The following NCOA6 variants were observed in gnomAD, a reference collection of about 807,000 sequenced individuals.
NCOA6 encodes the protein NRC RAP250.
A neutral mutation model predicts 171.4 loss-of-function variants in NCOA6; 49 were observed. That is an observed-to-expected ratio of 0.29 (90% confidence interval 0.23 to 0.36). The LOEUF is 0.36. Among genes scored for constraint, NCOA6 ranks in the 10% least tolerant of loss-of-function variants. The pLI is 1.00. For synonymous variants in NCOA6, 910 were observed against 927.5 expected (o/e 0.98, Z 0.34); for missense variants, 2,248 against 2,554.5 (o/e 0.88, Z 2.59).
chr20:34,790,891 T>C (rs2077858734), intron 2 of NCOA6, among the ~76,000 whole-genome samples: 1 of 152,044 alleles, frequency 6.6e-6, no homozygotes, highest in South Asian at 2.1e-4. Context: ...CCTCAAGTGA[T>C]ACACCCGCCT....
intron 14 of NCOA6, among the ~76,000 whole-genome samples, chr20:34,717,036 G>A (rs1243871843): frequency 6.6e-6 from 1 of 152,188 alleles, no homozygotes; most frequent in Non-Finnish European, 1.5e-5. Flanking sequence ...ATGTTAGGTT[G>A]TATTCAAGGC....
chr20:34,758,213 C>G, intron 6 of NCOA6, 109 bp from the exon 7 acceptor site: 3 of 1,381,656 alleles, frequency 2.2e-6, no homozygotes, highest in Non-Finnish European at 2.9e-6. Flanking sequence ...TGGTACTATT[C>G]GATAAAATAA....
rs756124642 is a variant in NCOA6, at chr20:34,750,004, G to C, written c.2191C>G (p.Gln731Glu). 19 of 1,614,134 alleles carry C rather than the reference G, an allele frequency of 1.2e-5. No homozygotes were observed. The Admixed American group carries it at 3.0e-4, about 25-fold the overall frequency. ...MQGNKQQFNT[Q>E]NQSNVMPGPA... ...CCCGGCATGACATTGGACTGGTTCT[G>C]AGTGTTAAACTGCTGCTTATTCCCC... Residue 731 changes from glutamine to glutamate, a missense_variant, in exon 9 of 15, where the codon CAG becomes GAG. This residue lies in a region of NCOA6 where 987 missense variants were observed against 1,104.7 expected (regional missense o/e 0.89). Transcript: ENST00000359003.
intron 1 of NCOA6, among the ~76,000 whole-genome samples, chr20:34,800,059 T>C (rs1221099696): frequency 6.6e-6 from 1 of 152,060 alleles, no homozygotes; most frequent in East Asian, 1.9e-4. Context: ...TACAATAAGA[T>C]AAAAATACAA....
At chr20:34,739,827 CATT>C (rs1244439802) in intron 11 of NCOA6, among the ~76,000 whole-genome samples, 4 of 152,104 alleles carry the variant, frequency 2.6e-5, no homozygotes, top group African/African-American at 9.7e-5. Context: ...TGAAAGGTAT[CATT>C]ATTTCAGGAA....
At chr20:34,726,031 C>T (rs912573374) in intron 14 of NCOA6, among the ~76,000 whole-genome samples, 3 of 152,146 alleles carry the variant, frequency 2.0e-5, no homozygotes, top group African/African-American at 7.2e-5. Flanking sequence ...TGAGGAAGGT[C>T]ACCATCTAAT....
intron 2 of NCOA6, among the ~76,000 whole-genome samples, chr20:34,788,642 C>G (rs1013340724): frequency 6.6e-6 from 1 of 152,146 alleles, no homozygotes; most frequent in African/African-American, 2.4e-5. Flanking sequence ...TTAGGCTTAA[C>G]TGAAGGACAT....
chr20:34,774,271 ATTG>A (rs1331475372), intron 4 of NCOA6, among the ~76,000 whole-genome samples: 2 of 152,224 alleles, frequency 1.3e-5, no homozygotes, highest in African/African-American at 4.8e-5. Context: ...CAGCCCACAT[ATTG>A]TTATTTTATC....
chr20:34,726,385 G>A (rs925367402), intron 14 of NCOA6, among the ~76,000 whole-genome samples: 1 of 152,156 alleles, frequency 6.6e-6, no homozygotes, highest in African/African-American at 2.4e-5. Flanking sequence ...AGAAAGTGTG[G>A]ACCAGAGGTT....
chr20:34,771,771 A>G (rs2077158665), intron 4 of NCOA6, among the ~76,000 whole-genome samples: 1 of 152,184 alleles, frequency 6.6e-6, no homozygotes, highest in African/African-American at 2.4e-5. Context: ...CACTCTTCGC[A>G]TAGCTAGCTT....
intron 10 of NCOA6, among the ~76,000 whole-genome samples, chr20:34,744,558 G>A (rs1043993836): frequency 3.3e-5 from 5 of 152,162 alleles, no homozygotes; most frequent in African/African-American, 1.2e-4. Flanking sequence ...TTTTCATAGA[G>A]CAGCTACCAA....
At chr20:34,748,004 T>C (rs935673236) in intron 9 of NCOA6, among the ~76,000 whole-genome samples, 3 of 152,176 alleles carry the variant, frequency 2.0e-5, no homozygotes, top group Admixed American at 2.0e-4. Context: ...GTGGTAGAGC[T>C]GGAAGCAGGT....
chr20:34,749,577 C>T lies in NCOA6; in HGVS notation c.2618G>A (p.Gly873Asp). The change falls in exon 9 of 15, where the codon GGC (glycine) becomes GAC (aspartate). Residue 873 changes from glycine (G) to aspartate (D), a missense_variant. By Grantham distance (94) the Gly-to-Asp change is moderately conservative. Around this residue, in one of 7 missense-constraint regions of NCOA6, gnomAD observed 987 missense variants for 1,104.7 expected, o/e 0.89. Coordinates refer to ENST00000359003, the MANE Select transcript of NCOA6 (RefSeq NM_014071.5). ...CGTGACATCCTTATTGACTGGGAAG[C>T]CTGGATTTTGACCACAGGACATCTG... ...GNQMSCGQNP[G>D]FPVNKDVTLT... 1 of 1,614,164 alleles carries T rather than the reference C, an allele frequency of 6.2e-7. No homozygotes were observed. Among genetic ancestry groups the T allele is most frequent in the Non-Finnish European group, 8.5e-7 (1 of 1,180,036 alleles).
intron 14 of NCOA6, among the ~76,000 whole-genome samples, chr20:34,724,962 T>C (rs11699499): frequency 6.6e-6 from 1 of 152,046 alleles, no homozygotes; most frequent in Non-Finnish European, 1.5e-5. Flanking sequence ...CTAATTTTTG[T>C]ATTTTAAGTA....
rs1568745081 is a variant in NCOA6, at chr20:34,741,697, A to G, written c.4559T>C (p.Val1520Ala). The change falls in exon 11 of 15, where the codon GTT (valine) becomes GCT (alanine). Residue 1520 changes from valine to alanine, a missense_variant. Physicochemically the swap from Val to Ala is moderately conservative, Grantham distance 64. Transcript: ENST00000359003. The part of the protein sequence containing the change: ...LTDLEVTPPV[V>A]SGEDLKKASV... Reference sequence around the variant, plus strand: ...TGCTTTTTTGAGGTCCTCCCCAGAAACTACTGGAGGTGTTACTTCCAGATC... The same window carrying G: ...TGCTTTTTTGAGGTCCTCCCCAGAAGCTACTGGAGGTGTTACTTCCAGATC... 1 of 1,614,156 alleles carries G rather than the reference A, an allele frequency of 6.2e-7. No individual in the cohort carries two copies.
chr20:34,765,308 T>A (rs1179701299), intron 5 of NCOA6, among the ~76,000 whole-genome samples: 1 of 150,402 alleles, frequency 6.6e-6, no homozygotes, highest in African/African-American at 2.5e-5. Context: ...AAAAAAAAAA[T>A]TAGCCAGGCA....
At chr20:34,733,005 T>C (rs946073861) in intron 12 of NCOA6, 2 of 160,538 alleles carry the variant, frequency 1.2e-5, no homozygotes, top group African/African-American at 4.8e-5. Flanking sequence ...CTTGAACATC[T>C]ATTAAGGATG....
chr20:34,787,428 G>C (rs2077721090), intron 2 of NCOA6, among the ~76,000 whole-genome samples: 1 of 151,940 alleles, frequency 6.6e-6, no homozygotes, highest in South Asian at 2.1e-4. Flanking sequence ...TGGGAGGCTA[G>C]GGTGGCAGAA....
At chr20:34,784,145 C>A (rs533535576) in intron 2 of NCOA6, among the ~76,000 whole-genome samples, 1 of 151,826 alleles carries the variant, frequency 6.6e-6, no homozygotes, top group African/African-American at 2.4e-5. Context: ...TGCTGCAAAT[C>A]ATTAGGAAAT....
Sources: gnomAD v4.1 joint callset for allele counts (sites outside exome capture counted in the v4.1 genomes callset) on GRCh38, gnomAD v4.1.1 for gene constraint, gnomAD v4.1.1 regional missense constraint, MANE v1.5 for transcripts, NCBI Gene and HGNC (gene_info 2026-07-23, HGNC 2026-07-21) for gene names.